Variants in PAQR3 observed in about 807,000 individuals in gnomAD.
PAQR3 encodes the protein Raf kinase trapping to Golgi.
PAQR3 carries 39 observed loss-of-function variants against 41.7 expected under a neutral mutation model. The observed-to-expected ratio is 0.93, with a 90% CI of 0.72 to 1.22. PAQR3 has a LOEUF of 1.22. PAQR3 is among the 50% of genes most tolerant of loss of function. The pLI, the probability that PAQR3 is intolerant of heterozygous loss-of-function variation, is 0.00. For missense variants in PAQR3, 366 were observed against 385.6 expected, an observed-to-expected ratio of 0.95 and a Z score of 0.42; for synonymous variants, 140 against 140.6, an observed-to-expected ratio of 1.00 and a Z score of 0.03.
rs757966136 is a variant in PAQR3 at position 78,935,118 on chromosome 4, T to C, written c.348+3A>G. 3 of 1,611,840 alleles carry C rather than the reference T, an allele frequency of 1.9e-6. No individual in the cohort carries two copies. Among genetic ancestry groups the C allele is most frequent in the Non-Finnish European group, 2.5e-6 (3 of 1,179,352 alleles). On this transcript the variant is annotated splice_donor_region_variant and intron_variant, in intron 2 of 5. Coordinates refer to ENST00000512733, the MANE Select transcript of PAQR3 (RefSeq NM_001040202.2). Reference sequence around the variant, plus strand: ...CAACAGCAGTATTTGTGAAATGACTTACCTGGAAGCAGAAAAGACAAATAG... The same window carrying C: ...CAACAGCAGTATTTGTGAAATGACTCACCTGGAAGCAGAAAAGACAAATAG...
rs1473713147 is a variant in PAQR3 at position 78,920,610 on chromosome 4, G to A, written c.865C>T (p.His289Tyr). 3.7e-6 allele frequency: 6 copies of A among 1,611,900 alleles called. No homozygotes were observed. Among genetic ancestry groups the A allele is most frequent in the Non-Finnish European group, 5.1e-6 (6 of 1,178,636 alleles). ...ILAVVMLYWW[H>Y]QSTVYVMQYR... ...TGCATGACATACACTGTTGACTGAT[G>A]CCACCAATATAACATCACTACTGCA... is the stretch of plus-strand genomic sequence containing the variant. The change falls in exon 6 of 6, where the codon CAT (histidine) becomes TAT (tyrosine). Residue 289 changes from histidine to tyrosine, a missense_variant. Physicochemically the swap from His to Tyr is moderately conservative, Grantham distance 83. Transcript: ENST00000512733.
intron 11 of PAQR3, among the ~76,000 whole-genome samples, chr4:78,893,675 G>A (rs1043861009): frequency 1.4e-4 from 22 of 152,098 alleles, no homozygotes; most frequent in African/African-American, 5.1e-4. Context: ...TGATCCTCCC[G>A]CCTCAGCATC....
In PAQR3 at chr4:78,923,843, A is replaced by G; in HGVS notation, c.793+14T>C. The G allele has an allele frequency of 1.9e-6, 3 of 1,568,296 alleles. No individual in the cohort carries two copies. The highest frequency in any genetic ancestry group is 2.6e-6 in the Non-Finnish European group (3 of 1,138,304). On this transcript the variant is annotated intron_variant, in intron 5 of 5. Transcript: ENST00000512733. ...AGACTAACAATACAAAACTGCTATAAAAGAGATACCTACCTGGAAAGTACC... is the reference window on the plus strand; with the variant it reads ...AGACTAACAATACAAAACTGCTATAGAAGAGATACCTACCTGGAAAGTACC...
chr4:78,904,577 C>T (rs1198472519), intron 11 of PAQR3, among the ~76,000 whole-genome samples: 1 of 151,904 alleles, frequency 6.6e-6, no homozygotes, highest in Non-Finnish European at 1.5e-5. Context: ...TAGTCACTCA[C>T]CTTATTCTCA....
rs1309105404 is a variant in PAQR3, at chr4:78,913,398, G to C, written c.*7141C>G. ...GTTTTATAGAAATCATTTAATGATA[G>C]AGATTACATATGTGAATTAATGTGA... On this transcript the variant is annotated 3_prime_UTR_variant, in exon 6 of 6. Transcript: ENST00000512733. 1 of 152,160 alleles carries C rather than the reference G, an allele frequency of 6.6e-6. No individual in the cohort carries two copies. Among genetic ancestry groups the C allele is most frequent in the Non-Finnish European group, 1.5e-5 (1 of 67,992 alleles). 9.4% of individuals were successfully genotyped at this position (152,160 alleles called of 1,614,324 possible).
intron 10 of PAQR3, among the ~76,000 whole-genome samples, chr4:78,906,725 A>G (rs1237452390): frequency 6.6e-6 from 1 of 152,044 alleles, no homozygotes; most frequent in Non-Finnish European, 1.5e-5. Flanking sequence ...GGGCCCAGAA[A>G]AGTTACTAGA....
At chr4:78,901,064 T>C (rs1733974140) in intron 11 of PAQR3, among the ~76,000 whole-genome samples, 2 of 152,020 alleles carry the variant, frequency 1.3e-5, no homozygotes, top group Non-Finnish European at 1.5e-5. Flanking sequence ...TTTTTTGAGA[T>C]AAGAGTCTTG....
intron 11 of PAQR3, among the ~76,000 whole-genome samples, chr4:78,889,379 TGAGA>T (rs1378129622): frequency 1.3e-5 from 2 of 152,098 alleles, no homozygotes; most frequent in African/African-American, 2.4e-5. Context: ...ATGCGTCTCC[TGAGA>T]AAGAAGAAAA....
In PAQR3 at chr4:78,918,269, C is replaced by T; in HGVS notation, c.*2270G>A. 1 of 933,604 alleles carries T rather than the reference C, an allele frequency of 1.1e-6. No individual in the cohort carries two copies. Among genetic ancestry groups the T allele is most frequent in the South Asian group, 4.9e-5 (1 of 20,236 alleles). The allele number at this position is 933,604 out of a possible 1,614,324, so 57.8% of individuals were successfully genotyped here. The stretch of plus-strand genomic sequence containing the variant: ...CTTTAATCTATAAAAACAAAAATAA[C>T]TTAAATATACATCATTACAAGGCTC... On this transcript the variant is annotated 3_prime_UTR_variant, in exon 6 of 6. Coordinates refer to ENST00000512733, the MANE Select transcript of PAQR3 (RefSeq NM_001040202.2).
In PAQR3 at chr4:78,915,488, A is replaced by G. The variant is rs1375610053; in HGVS notation, c.*5051T>C. 1 of 151,834 alleles carries G rather than the reference A, an allele frequency of 6.6e-6. No homozygotes were observed. The highest frequency in any genetic ancestry group is 1.5e-5 in the Non-Finnish European group (1 of 67,850). The allele number at this position is 151,834 out of a possible 1,614,324, so 9.4% of individuals were successfully genotyped here. A position where few individuals can be genotyped will look rare whatever the true frequency, so the allele number is the denominator to read the frequency against. On this transcript the variant is annotated 3_prime_UTR_variant, in exon 6 of 6. Transcript: ENST00000512733. ...TTCTCATTTTTTTTTCTTTTTAGCA[A>G]ACTTGTTATTTTAGGTCCAATTATT... is the stretch of plus-strand genomic sequence containing the variant.
chr4:78,904,006 G>A (rs1734155106), intron 11 of PAQR3, among the ~76,000 whole-genome samples: 1 of 151,904 alleles, frequency 6.6e-6, no homozygotes, highest in Non-Finnish European at 1.5e-5. Context: ...CGTATAAAAA[G>A]ATGTTGGACT....
intron 1 of PAQR3, among the ~76,000 whole-genome samples, chr4:78,936,575 A>C (rs964834289): frequency 5.3e-5 from 8 of 152,234 alleles, no homozygotes; most frequent in African/African-American, 1.9e-4. Context: ...TGTCAAAACT[A>C]TCAAATGATC....
At position 78,919,431 on chromosome 4, in the gene PAQR3, A is replaced by C; in HGVS notation, c.*1108T>G. 1.0e-6 allele frequency: 1 copy of C among 984,624 alleles called. No homozygotes were observed. The highest frequency in any genetic ancestry group is 1.2e-6 in the Non-Finnish European group (1 of 829,310). 61.0% of individuals were successfully genotyped at this position (984,624 alleles called of 1,614,324 possible). ...TTCTATTTTTTAAGTATATACAATA[A>C]AAAGAAAGTTTAATGCTTCAGGCCC... On this transcript the variant is annotated 3_prime_UTR_variant, in exon 6 of 6. Coordinates refer to ENST00000512733, the MANE Select transcript of PAQR3 (RefSeq NM_001040202.2).
At chr4:78,911,153 A>C (rs1224818523), downstream of PAQR3, 42 of 1,613,840 alleles carry the variant, frequency 2.6e-5, no homozygotes, top group Non-Finnish European at 3.5e-5. Flanking sequence ...GTGCGTGCTC[A>C]ACAGCCCCAG....
intron 3 of PAQR3, 103 bp downstream of exon 3, chr4:78,930,067 C>T (rs1736679317): frequency 1.3e-5 from 15 of 1,133,984 alleles, no homozygotes; most frequent in Middle Eastern, 2.4e-4. Context: ...TCTATTTAGT[C>T]TATAAGTTAA....
intron 11 of PAQR3, among the ~76,000 whole-genome samples, chr4:78,903,754 G>C (rs1032758973): frequency 6.6e-6 from 1 of 151,894 alleles, no homozygotes; most frequent in African/African-American, 2.4e-5. Context: ...TCTTCATCCT[G>C]TTCGTGGCTT....
chr4:78,919,777 A>G lies in PAQR3; in HGVS notation c.*762T>C, dbSNP rs1735476233. 1 of 984,048 alleles carries G rather than the reference A, an allele frequency of 1.0e-6. No homozygotes were observed. The highest frequency in any genetic ancestry group is 4.7e-5 in the South Asian group (1 of 21,268). The allele number at this position is 984,048 out of a possible 1,614,324, so 61.0% of individuals were successfully genotyped here. A position where few individuals can be genotyped will look rare whatever the true frequency, so the allele number is the denominator to read the frequency against. On this transcript the variant is annotated 3_prime_UTR_variant, in exon 6 of 6. Coordinates refer to ENST00000512733, the MANE Select transcript of PAQR3 (RefSeq NM_001040202.2). ...TTCAGTTATTATATGGAATTAAATA[A>G]TATCTGGAATTAAAATGTTTAGGTG...
chr4:78,929,436 T>C (rs1736588067), intron 3 of PAQR3, among the ~76,000 whole-genome samples: 1 of 152,158 alleles, frequency 6.6e-6, no homozygotes, highest in African/African-American at 2.4e-5. Flanking sequence ...GGCTGGAACA[T>C]GAGGTGATGA....
At chr4:78,890,721 A>C (rs990418303) in intron 11 of PAQR3, among the ~76,000 whole-genome samples, 1 of 152,156 alleles carries the variant, frequency 6.6e-6, no homozygotes, top group Admixed American at 6.5e-5. Flanking sequence ...TACATCTCTC[A>C]TGGAGCTCTG....
Sources: allele counts gnomAD v4.1 joint callset (sites outside exome capture counted in the v4.1 genomes callset), GRCh38; gene constraint gnomAD v4.1.1; transcripts MANE v1.5; gene names NCBI Gene and HGNC (gene_info 2026-07-23, HGNC 2026-07-21).